Variants in SNRPN observed in about 807,000 individuals in gnomAD.
SNRPN encodes small nuclear ribonucleoprotein-associated protein N.
In SNRPN, 7 loss-of-function variants were observed where a neutral mutation model predicts 25.2. The observed-to-expected ratio is 0.28, with a 90% CI of 0.16 to 0.52. The LOEUF (loss-of-function observed/expected upper bound fraction) is 0.52, where lower values mean the gene tolerates loss of function less well. SNRPN is among the 20% of genes least tolerant of loss of function. The pLI, the probability that SNRPN is intolerant of heterozygous loss-of-function variation, is 0.96. For missense variants in SNRPN, 196 were observed against 322.5 expected (o/e 0.61, Z 3.00); for synonymous variants, 124 against 110.6 (o/e 1.12, Z -0.76).
chr15:24,871,658 T>C (rs902958742), intron 1 of SNRPN, among the ~76,000 whole-genome samples: 3 of 152,114 alleles, frequency 2.0e-5, no homozygotes, highest in African/African-American at 7.2e-5. Context: ...CAATCTTTTA[T>C]ATATTCTGAA....
chr15:24,892,058 C>T lies in SNRPN; in HGVS notation c.-505+5469C>T, dbSNP rs772640902. On this transcript the variant is annotated intron_variant, in intron 2 of 11. Transcript: ENST00000400097. ...TATTCATGGAGAAGGTTTTTAAGAT[C>T]TTCATTTGCCCTGTGAAGCCCTTTT... is the stretch of plus-strand genomic sequence containing the variant. 1.3e-3 allele frequency among the ~76,000 whole-genome samples: 200 copies of T among 151,636 alleles called. 1 individual carries two copies. Among genetic ancestry groups the T allele is most frequent in the Non-Finnish European group, 2.5e-3 (173 of 67,912 alleles).
At chr15:24,860,700 T>C (rs2053911329) in intron 1 of SNRPN, among the ~76,000 whole-genome samples, 1 of 152,226 alleles carries the variant, frequency 6.6e-6, no homozygotes, top group Non-Finnish European at 1.5e-5. Flanking sequence ...AAGTGTTGAA[T>C]ATCTCATGCA....
chr15:24,848,494 T>A (rs1181524138), intron 2 of SNRPN: 1 of 152,194 alleles, frequency 6.6e-6, no homozygotes, highest in Non-Finnish European at 1.5e-5. Flanking sequence ...TGTATTAACT[T>A]TGTTTTAACC....
chr15:24,968,208 A>G, intron 3 of SNRPN, 126 bp downstream of exon 3: 1 of 610,390 alleles, frequency 1.6e-6, no homozygotes, highest in Non-Finnish European at 2.9e-6. Context: ...AACACATTGC[A>G]GAAAGTTTTA....
chr15:24,834,160 G>A (rs1320392191), intron 2 of SNRPN, among the ~76,000 whole-genome samples: 5 of 152,064 alleles, frequency 3.3e-5, no homozygotes, highest in African/African-American at 1.2e-4. Flanking sequence ...TCCTGACCTC[G>A]TGATCCACCT....
intron 3 of SNRPN, among the ~76,000 whole-genome samples, chr15:24,934,169 A>G (rs1415967873): frequency 6.6e-6 from 1 of 151,964 alleles, no homozygotes; most frequent in Non-Finnish European, 1.5e-5. Flanking sequence ...GTGGTGGTGC[A>G]TGCCTGTAGT....
chr15:24,834,751 C>CTCTCTATATATATATATATATATGTA, intron 2 of SNRPN, among the ~76,000 whole-genome samples: 25 of 60,956 alleles, frequency 4.1e-4, no homozygotes, highest in African/African-American at 1.5e-3. Context: ...CTCTCTCTCT[C>CTCTCTATATATATATATATATATGTA]TATATATATA....
intron 2 of SNRPN, among the ~76,000 whole-genome samples, chr15:24,907,471 G>T (rs567009008): frequency 1.3e-5 from 2 of 151,604 alleles, no homozygotes; most frequent in Admixed American, 1.3e-4. Context: ...GGTGGCGGTC[G>T]CCTGTAGTCC....
chr15:24,957,122 G>A (rs1233132119), intron 1 of SNRPN, among the ~76,000 whole-genome samples: 2 of 151,492 alleles, frequency 1.3e-5, no homozygotes, highest in Non-Finnish European at 2.9e-5. Flanking sequence ...ATTTCCATTC[G>A]ACACATTTAA....
intron 3 of SNRPN, among the ~76,000 whole-genome samples, chr15:24,924,416 C>T (rs540560570): frequency 6.6e-6 from 1 of 151,612 alleles, no homozygotes; most frequent in African/African-American, 2.4e-5. Flanking sequence ...AGCCAATCTT[C>T]CCTGGTTAGT....
chr15:24,945,343 TAAAA>T (rs11422448), intron 3 of SNRPN, among the ~76,000 whole-genome samples: 1 of 83,748 alleles, frequency 1.2e-5, no homozygotes, highest in South Asian at 5.0e-4. Context: ...ACCCACCATG[TAAAA>T]AAAAAAAAAA....
At chr15:24,882,938 A>G (rs1019100453) in intron 1 of SNRPN, among the ~76,000 whole-genome samples, 3 of 151,942 alleles carry the variant, frequency 2.0e-5, no homozygotes, top group Non-Finnish European at 4.4e-5. Flanking sequence ...AAACACTTAC[A>G]TTAGCCTACA....
chr15:24,977,619 CAA>C (rs1236043555), intron 7 of SNRPN, among the ~76,000 whole-genome samples, 157 bp from the exon 8 acceptor site: 3 of 151,934 alleles, frequency 2.0e-5, no homozygotes, highest in Non-Finnish European at 4.4e-5. Context: ...GCCTGGGTGA[CAA>C]GAGTGAAACT....
chr15:24,973,233 G>C (rs774099701), intron 3 of SNRPN, among the ~76,000 whole-genome samples: 3 of 151,996 alleles, frequency 2.0e-5, no homozygotes, highest in Non-Finnish European at 4.4e-5. Context: ...TAGTATGCAG[G>C]ATAGTAACAT....
At chr15:24,898,560 C>G (rs961071511) in intron 2 of SNRPN, among the ~76,000 whole-genome samples, 1 of 151,626 alleles carries the variant, frequency 6.6e-6, no homozygotes, top group African/African-American at 2.4e-5. Context: ...TGCACCCCAT[C>G]CTGGCGACAG....
chr15:24,854,360 A>G (rs1303224798), upstream of SNRPN, among the ~76,000 whole-genome samples: 1 of 152,228 alleles, frequency 6.6e-6, no homozygotes, highest in Non-Finnish European at 1.5e-5. Flanking sequence ...AAATGGCCAT[A>G]AAGGGCCACC....
intron 3 of SNRPN, among the ~76,000 whole-genome samples, chr15:24,970,661 C>T: frequency 6.6e-6 from 1 of 152,120 alleles, no homozygotes; most frequent in East Asian, 1.9e-4. Context: ...TGGATACCTA[C>T]CTAGTAGTTG....
Position 24,927,475 on chromosome 15 carries a change from AATTTTT to A in SNRPN, c.-391+7352_-391+7357del, listed in dbSNP as rs1566921461. Among the ~76,000 whole-genome samples the A allele has an allele frequency of 1.1e-4, 13 of 113,318 alleles. 1 individual carries two copies. Among genetic ancestry groups the A allele is most frequent in the African/African-American group, 3.4e-4 (10 of 29,600 alleles). The allele number at this position is 113,318 out of a possible 152,430, so 74.3% of individuals were successfully genotyped here. A position where few individuals can be genotyped will look rare whatever the true frequency, so the allele number is the denominator to read the frequency against. ...TTTCCCACTGCTTATAAAGTTTTTA[AATTTTT>A]TTTTTTTTTTTTTTTTTTTTTTTTT... is the stretch of plus-strand genomic sequence containing the variant. On this transcript the variant is annotated intron_variant, in intron 3 of 11. Coordinates refer to the SNRPN transcript ENST00000400097.
At chr15:24,855,791 CAAA>C (rs56081812), upstream of SNRPN, among the ~76,000 whole-genome samples, 6 of 71,980 alleles carry the variant, frequency 8.3e-5, no homozygotes, top group Admixed American at 3.4e-4. Flanking sequence ...GAATCTGTCT[CAAA>C]AAAAAAAAAA....
Sources: allele counts gnomAD v4.1 joint callset (sites outside exome capture counted in the v4.1 genomes callset), GRCh38; gene constraint gnomAD v4.1.1; transcripts MANE v1.5; gene names NCBI Gene and HGNC (gene_info 2026-07-23, HGNC 2026-07-21).